DST: variants seen among roughly 807,000 people sequenced by gnomAD.
DST encodes the protein bullous pemphigoid antigen.
Under a neutral mutation model 875.2 loss-of-function variants are expected in DST, and 253 were observed. The observed-to-expected ratio is 0.29, with a 90% CI of 0.26 to 0.32. The LOEUF (loss-of-function observed/expected upper bound fraction) is 0.32, where lower values mean the gene tolerates loss of function less well. Among genes scored for constraint, DST ranks in the 10% least tolerant of loss-of-function variants. The pLI, the probability that DST is intolerant of heterozygous loss-of-function variation, is 1.00. For synonymous variants in DST, 3,124 were observed against 3,197.1 expected (o/e 0.98, Z 0.77); for missense variants, 8,287 against 9,111.6 (o/e 0.91, Z 3.68).
chr6:56,510,182 T>C (rs1392017931), intron 73 of DST, among the ~76,000 whole-genome samples: 2 of 152,196 alleles, frequency 1.3e-5, no homozygotes, highest in Non-Finnish European at 2.9e-5. Flanking sequence ...ATGGCAGCAA[T>C]GTCTCTTTAC....
At chr6:56,769,194 G>A (rs1199934769) in intron 4 of DST, among the ~76,000 whole-genome samples, 2 of 152,122 alleles carry the variant, frequency 1.3e-5, no homozygotes, top group Admixed American at 1.3e-4. Context: ...CATATAAAAA[G>A]ATGCTCAACA....
At chr6:56,835,522 T>C (rs956547943) in intron 4 of DST, among the ~76,000 whole-genome samples, 2 of 152,180 alleles carry the variant, frequency 1.3e-5, no homozygotes, top group African/African-American at 2.4e-5. Context: ...TAAAAAATAA[T>C]GTGTGCATTT....
intron 10 of DST, among the ~76,000 whole-genome samples, chr6:56,668,888 G>A (rs1176217312): frequency 6.6e-6 from 1 of 151,952 alleles, no homozygotes; most frequent in Admixed American, 6.6e-5. Context: ...AGAAAGAAAA[G>A]GGGAGAGAAA....
At chr6:56,470,954 C>T (rs1008929487) in intron 95 of DST, among the ~76,000 whole-genome samples, 152 bp downstream of exon 95, 1 of 151,994 alleles carries the variant, frequency 6.6e-6, no homozygotes, top group Non-Finnish European at 1.5e-5. Flanking sequence ...ACAAATTTTA[C>T]CAAAAAAACA....
At chr6:56,711,192 G>A (rs1303864563) in intron 5 of DST, among the ~76,000 whole-genome samples, 3 of 152,076 alleles carry the variant, frequency 2.0e-5, no homozygotes, top group African/African-American at 7.2e-5. Flanking sequence ...GTGGAACTAG[G>A]TAGTTAAATA....
intron 49 of DST, among the ~76,000 whole-genome samples, chr6:56,584,281 T>A (rs1382551053): frequency 6.6e-6 from 1 of 151,856 alleles, no homozygotes. Flanking sequence ...AGCAGTGGTT[T>A]GTATTTCTCC....
rs57984196 is a variant in DST, at chr6:56,934,588, ATC to A, written c.216+19195_216+19196del. Among the ~76,000 whole-genome samples the A allele has an allele frequency of 2.4e-3, 301 of 125,472 alleles. 12 individuals carry two copies. The highest frequency in any genetic ancestry group is 0.016 in the Middle Eastern group (4 of 252). 82.3% of individuals were successfully genotyped at this position (125,472 alleles called of 152,430 possible). A position where few individuals can be genotyped will look rare whatever the true frequency, so the allele number is the denominator to read the frequency against. ...TATATATATATATATATATATATAT[ATC>A]GTGAGAGAGAGAGAAGGAGGGGAGA... On this transcript the variant is annotated intron_variant, in intron 2 of 103. Transcript: ENST00000680361.
chr6:56,801,236 C>T (rs2099746448), intron 4 of DST, among the ~76,000 whole-genome samples: 1 of 152,082 alleles, frequency 6.6e-6, no homozygotes, highest in Non-Finnish European at 1.5e-5. Flanking sequence ...TCCAGGACGA[C>T]AATGCATTTA....
At position 56,604,879 on chromosome 6, in the gene DST, T is replaced by C. The variant is rs761640661; in HGVS notation, c.9749A>G (p.Lys3250Arg). 2.5e-6 allele frequency: 4 copies of C among 1,612,596 alleles called. No individual in the cohort carries two copies. Among genetic ancestry groups the C allele is most frequent in the Non-Finnish European group, 3.4e-6 (4 of 1,179,294 alleles). Residue 3250 changes from lysine to arginine, a missense_variant, in exon 40 of 104, where the codon AAA becomes AGA. By Grantham distance (26) the Lys-to-Arg change is conservative (BLOSUM62 2). Around this residue, in one of 10 missense-constraint regions of DST, gnomAD observed 3,138 missense variants for 3,116.6 expected, o/e 1.01. Coordinates refer to ENST00000680361, the MANE Select transcript of DST (RefSeq NM_001374736.1). ...TGTTCCTCCTCCTGAGATGCTTTCTTTACTACAAAGATCATTGCTTTGGAT... is the reference window on the plus strand; with the variant it reads ...TGTTCCTCCTCCTGAGATGCTTTCTCTACTACAAAGATCATTGCTTTGGAT... Reference protein sequence around the residue: ...DMIQSNDLCSKESISGGGTEI... With the variant: ...DMIQSNDLCSRESISGGGTEI...
intron 61 of DST, 37 bp from the exon 62 acceptor site, chr6:56,536,977 T>C: frequency 1.3e-6 from 2 of 1,588,936 alleles, no homozygotes; most frequent in Non-Finnish European, 1.7e-6. Context: ...TGAGTTATAT[T>C]ACCTATCAAC....
intron 5 of DST, among the ~76,000 whole-genome samples, chr6:56,709,395 AC>A (rs1244947257): frequency 6.6e-6 from 1 of 152,220 alleles, no homozygotes; most frequent in Non-Finnish European, 1.5e-5. Context: ...CAAAAATACT[AC>A]ACTGAAAATT....
chr6:56,529,858 A>G lies in DST; in HGVS notation c.17269-84T>C, dbSNP rs2096864794. 5 of 1,457,414 alleles carry G rather than the reference A, an allele frequency of 3.4e-6. No individual in the cohort carries two copies. The Admixed American group carries it at 1.3e-4, about 38-fold the overall frequency. The allele number at this position is 1,457,414 out of a possible 1,614,324, so 90.3% of individuals were successfully genotyped here. A position where few individuals can be genotyped will look rare whatever the true frequency, so the allele number is the denominator to read the frequency against. On this transcript the variant is annotated intron_variant, in intron 65 of 103. Coordinates refer to ENST00000680361, the MANE Select transcript of DST (RefSeq NM_001374736.1). ...AAAACATAAATAAAACTAAAGCATG[A>G]CATGTTAAATGGATTTAGTTTGCAA...
intron 82 of DST, 115 bp from the exon 83 acceptor site, chr6:56,494,295 C>G: frequency 4.4e-6 from 4 of 901,556 alleles, no homozygotes; most frequent in South Asian, 2.6e-5. Context: ...TGTTTGCTCT[C>G]TCAGGGCAAC....
At chr6:56,681,177 T>C (rs528725959) in intron 9 of DST, among the ~76,000 whole-genome samples, 1 of 152,292 alleles carries the variant, frequency 6.6e-6, no homozygotes, top group Admixed American at 6.5e-5. Flanking sequence ...CCTGCATTCC[T>C]AGCTCAGAGA....
intron 2 of DST, among the ~76,000 whole-genome samples, chr6:56,939,344 C>A (rs568618942): frequency 1.3e-5 from 2 of 152,204 alleles, no homozygotes; most frequent in Non-Finnish European, 2.9e-5. Context: ...GAAGGAAACT[C>A]ATTAAGAGCT....
At chr6:56,739,013 TGA>T (rs1167269405) in intron 4 of DST, among the ~76,000 whole-genome samples, 2 of 151,546 alleles carry the variant, frequency 1.3e-5, no homozygotes, top group African/African-American at 2.4e-5. Flanking sequence ...TTAATAATTA[TGA>T]ACCAATAATA....
intron 4 of DST, 134 bp from the exon 5 acceptor site, chr6:56,735,423 T>G (rs1342469184): frequency 3.1e-6 from 2 of 652,924 alleles, no homozygotes; most frequent in Non-Finnish European, 5.1e-6. Context: ...TTGTTAAATT[T>G]TGGCAACTTC....
intron 2 of DST, among the ~76,000 whole-genome samples, chr6:56,904,882 C>T (rs1238400067): frequency 1.3e-5 from 2 of 152,166 alleles, no homozygotes; most frequent in Non-Finnish European, 2.9e-5. Context: ...CGCCGCCTCC[C>T]GGGTTCAAGT....
chr6:56,520,382 G>A (rs1476988465), intron 69 of DST, among the ~76,000 whole-genome samples: 2 of 152,122 alleles, frequency 1.3e-5, no homozygotes, highest in Non-Finnish European at 2.9e-5. Flanking sequence ...TAGCTTTGTG[G>A]TTGACAAAAG....
Sources: gnomAD v4.1 joint callset for allele counts (sites outside exome capture counted in the v4.1 genomes callset) on GRCh38, gnomAD v4.1.1 for gene constraint, gnomAD v4.1.1 regional missense constraint, MANE v1.5 for transcripts, NCBI Gene and HGNC (gene_info 2026-07-23, HGNC 2026-07-21) for gene names.